Variants in KIAA0040 observed in about 807,000 individuals in gnomAD.
The protein encoded by KIAA0040 is KIAA0040.
Under a neutral mutation model 7.2 loss-of-function variants are expected in KIAA0040, and 10 were observed. The observed-to-expected ratio is 1.38, with a 90% CI of 0.85 to 2.34. The LOEUF is 2.34. KIAA0040 is among the 30% of genes most tolerant of loss of function. The pLI is 0.00. For missense variants in KIAA0040, 89 were observed against 108.2 expected (o/e 0.82, Z 0.79); for synonymous variants, 49 against 40.1 (o/e 1.22, Z -0.84).
intron 3 of KIAA0040, among the ~76,000 whole-genome samples, chr1:175,164,625 G>C (rs1676683041): frequency 6.6e-6 from 1 of 152,076 alleles, no homozygotes; most frequent in Non-Finnish European, 1.5e-5. Flanking sequence ...TTCCTAAAGG[G>C]ACTTATTTGA....
At chr1:175,180,335 G>T (rs1677387533) in intron 1 of KIAA0040, among the ~76,000 whole-genome samples, 2 of 152,212 alleles carry the variant, frequency 1.3e-5, no homozygotes, top group African/African-American at 4.8e-5. Flanking sequence ...AAATGAACAT[G>T]TTTATAGATG....
At position 175,160,797 on chromosome 1, in the gene KIAA0040, T is replaced by A. The variant is rs1163806271; in HGVS notation, c.217A>T (p.Lys73Ter). The change falls in exon 4 of 4, where the codon AAG (lysine) becomes TAG (stop). Residue 73 changes from lysine (K) to a stop codon, truncating the protein, a stop_gained. Coordinates refer to ENST00000423313, the MANE Select transcript of KIAA0040 (RefSeq NM_014656.3). LOFTEE classifies it high-confidence loss of function. ...CAGAGGTCTTCTTCATCCTTCTTCT[T>A]CTTCTTCTTCTTCTTCTTCTTGTTC... ...EKNKKKKKKK[K>*]KKDEEDLWIS... 6.4e-5 allele frequency: 49 copies of A among 768,784 alleles called. No homozygotes were observed. The highest frequency in any genetic ancestry group is 8.1e-5 in the Non-Finnish European group (43 of 533,938). The allele number at this position is 768,784 out of a possible 1,614,324, so 47.6% of individuals were successfully genotyped here. A position where few individuals can be genotyped will look rare whatever the true frequency, so the allele number is the denominator to read the frequency against.
At position 175,160,777 on chromosome 1, in the gene KIAA0040, GTCT is replaced by G. The variant is rs768112318; in HGVS notation, c.234_236del (p.Glu78del). ...GCTTGGGTTGAGCAGAGATCCAGAG[GTCT>G]TCTTCATCCTTCTTCTTCTTCTTCT... is the stretch of plus-strand genomic sequence containing the variant. On this transcript the variant is annotated inframe_deletion, in exon 4 of 4. Transcript: ENST00000423313. 2.6e-6 allele frequency: 4 copies of G among 1,545,100 alleles called. No homozygotes were observed. The highest frequency in any genetic ancestry group is 3.5e-6 in the Non-Finnish European group (4 of 1,145,450).
intron 2 of KIAA0040, among the ~76,000 whole-genome samples, chr1:175,172,614 A>G (rs1281147869): frequency 7.9e-5 from 12 of 152,184 alleles, no homozygotes; most frequent in Non-Finnish European, 1.0e-4. Context: ...CACCACTAAC[A>G]TGGTGTGGGG....
At chr1:175,174,304 G>A (rs774569190) in intron 2 of KIAA0040, among the ~76,000 whole-genome samples, 12 of 152,192 alleles carry the variant, frequency 7.9e-5, no homozygotes, top group Non-Finnish European at 1.3e-4. Flanking sequence ...AAATGATAAG[G>A]ATGAGGGATG....
intron 3 of KIAA0040, among the ~76,000 whole-genome samples, chr1:175,164,265 ATT>A (rs1471416510): frequency 2.0e-5 from 3 of 152,254 alleles, no homozygotes; most frequent in Non-Finnish European, 4.4e-5. Context: ...TTTATCAAAC[ATT>A]CACTGAGCAC....
At chr1:175,189,003 C>T (rs551975094) in intron 1 of KIAA0040, among the ~76,000 whole-genome samples, 15 of 152,276 alleles carry the variant, frequency 9.9e-5, no homozygotes, top group African/African-American at 3.4e-4. Context: ...CTCCATTAAC[C>T]AGCTCTGTGA....
At chr1:175,183,689 G>T (rs1207019153) in intron 1 of KIAA0040, among the ~76,000 whole-genome samples, 3 of 152,218 alleles carry the variant, frequency 2.0e-5, no homozygotes, top group African/African-American at 7.2e-5. Flanking sequence ...TTCCAGAATG[G>T]CACAGCCACA....
chr1:175,190,997 T>C (rs1677845748), intron 1 of KIAA0040, among the ~76,000 whole-genome samples: 1 of 152,232 alleles, frequency 6.6e-6, no homozygotes, highest in African/African-American at 2.4e-5. Flanking sequence ...TTCTGTGGTG[T>C]GGACTTCACA....
rs1371258310 is a variant in KIAA0040 at position 175,159,016 on chromosome 1, T to C, written c.*1698A>G. ...TAGTTTTTTGCTACTATAAATATCATAGTTTAGCTACATTATTAATTAGAT... is the reference window on the plus strand; with the variant it reads ...TAGTTTTTTGCTACTATAAATATCACAGTTTAGCTACATTATTAATTAGAT... On this transcript the variant is annotated 3_prime_UTR_variant, in exon 4 of 4. Transcript: ENST00000423313. 1 of 152,218 alleles carries C rather than the reference T, an allele frequency of 6.6e-6. No homozygotes were observed. The highest frequency in any genetic ancestry group is 1.5e-5 in the Non-Finnish European group (1 of 68,036). The allele number at this position is 152,218 out of a possible 1,614,324, so 9.4% of individuals were successfully genotyped here.
chr1:175,160,868 T>C lies in KIAA0040; in HGVS notation c.146A>G (p.His49Arg). The C allele has an allele frequency of 6.4e-7, 1 of 1,551,498 alleles. No homozygotes were observed. Among genetic ancestry groups the C allele is most frequent in the Non-Finnish European group, 8.7e-7 (1 of 1,146,974 alleles). The change falls in exon 4 of 4, where the codon CAT becomes CGT. Residue 49 changes from histidine (H) to arginine (R), a missense_variant. By Grantham distance (29) the His-to-Arg change is conservative. Transcript: ENST00000423313. The part of the protein sequence containing the change: ...VIITLLFICC[H>R]CCWSPPGKRG... ...CTTGCCTGGTGGGCTCCAGCAGCAA[T>C]GGCAACAGATGAAGAGGAGTGTGAT...
intron 2 of KIAA0040, among the ~76,000 whole-genome samples, chr1:175,170,623 G>A (rs975327529): frequency 2.0e-5 from 3 of 152,022 alleles, no homozygotes; most frequent in Admixed American, 2.0e-4. Flanking sequence ...TTCTCTCCTG[G>A]GCTTTACCTC....
At position 175,158,827 on chromosome 1, in the gene KIAA0040, A is replaced by G. The variant is rs1182679241; in HGVS notation, c.*1887T>C. 6.6e-6 allele frequency: 1 copy of G among 152,114 alleles called. No individual in the cohort carries two copies. Among genetic ancestry groups the G allele is most frequent in the East Asian group, 1.9e-4 (1 of 5,188 alleles). 9.4% of individuals were successfully genotyped at this position (152,114 alleles called of 1,614,324 possible). On this transcript the variant is annotated 3_prime_UTR_variant, in exon 4 of 4. Coordinates refer to ENST00000423313, the MANE Select transcript of KIAA0040 (RefSeq NM_014656.3). ...TGGCTATAAAATATATGCAGGTTTA[A>G]ATTATGATTCACAGGGTCATCTGTT...
Position 175,165,401 on chromosome 1 carries a change from T to C in KIAA0040, c.-134+1161A>G, listed in dbSNP as rs538680865. 3.9e-5 allele frequency among the ~76,000 whole-genome samples: 6 copies of C among 152,330 alleles called. No individual in the cohort carries two copies. The South Asian group carries it at 1.2e-3, about 32-fold the overall frequency. On this transcript the variant is annotated intron_variant, in intron 3 of 3. Transcript: ENST00000423313. ...AAAATACTTACACAAATATAATCCA[T>C]AAAATAGTGAGTTATCTTGAAATAA...
intron 1 of KIAA0040, among the ~76,000 whole-genome samples, chr1:175,187,072 G>A (rs1677686369): frequency 1.3e-5 from 2 of 152,194 alleles, no homozygotes. Context: ...TACAAGAAAG[G>A]GGTTTCATAG....
intron 1 of KIAA0040, among the ~76,000 whole-genome samples, chr1:175,189,554 T>C (rs1677791494): frequency 6.6e-6 from 1 of 152,196 alleles, no homozygotes; most frequent in Admixed American, 6.5e-5. Context: ...ATGCATGTGA[T>C]TGATATCATG....
intron 2 of KIAA0040, among the ~76,000 whole-genome samples, chr1:175,171,172 T>C (rs547492781): frequency 3.9e-5 from 6 of 152,346 alleles, no homozygotes; most frequent in Non-Finnish European, 4.4e-5. Flanking sequence ...CTTTTTCTAA[T>C]GGAGTATGGT....
intron 2 of KIAA0040, among the ~76,000 whole-genome samples, 158 bp from the exon 3 acceptor site, chr1:175,166,895 G>A (rs1349195127): frequency 6.6e-6 from 1 of 152,142 alleles, no homozygotes; most frequent in Admixed American, 6.5e-5. Flanking sequence ...CATCATGACT[G>A]GTGTCTGAGC....
At chr1:175,183,785 C>T (rs1183936005) in intron 1 of KIAA0040, among the ~76,000 whole-genome samples, 1 of 152,228 alleles carries the variant, frequency 6.6e-6, no homozygotes, top group Non-Finnish European at 1.5e-5. Flanking sequence ...TTTCTCACAG[C>T]TCTCAATGAG....
Sources: gnomAD v4.1 joint callset for allele counts (sites outside exome capture counted in the v4.1 genomes callset) on GRCh38, gnomAD v4.1.1 for gene constraint, MANE v1.5 for transcripts, NCBI Gene and HGNC (gene_info 2026-07-23, HGNC 2026-07-21) for gene names.